The following VEPH1 variants were observed in gnomAD, a reference collection of about 807,000 sequenced individuals.
VEPH1 encodes ventricular zone expressed PH domain containing 1.
VEPH1 carries 80 observed loss-of-function variants against 85.2 expected under a neutral mutation model. The ratio of observed to expected loss-of-function variants is 0.94; its 90% CI spans 0.78 to 1.13. VEPH1 has a LOEUF of 1.13. VEPH1 is among the 50% of genes most tolerant of loss of function. The pLI is 0.00. For missense variants in VEPH1, 955 were observed against 980.5 expected (o/e 0.97, Z 0.35); for synonymous variants, 297 against 348.0 (o/e 0.85, Z 1.63).
chr3:157,382,909 G>A (rs1728924474), intron 6 of VEPH1, among the ~76,000 whole-genome samples: 1 of 152,088 alleles, frequency 6.6e-6, no homozygotes, highest in Admixed American at 6.5e-5. Context: ...ATGGCTCACT[G>A]CAGCCTTGAC....
In VEPH1 at chr3:157,438,035, G is replaced by GCACA. The variant is rs1294089889; in HGVS notation, c.530-9548_530-9547insTGTG. ...TTTCATGGGAAGCGCGCGCGCGCGC[G>GCACA]CGCACACACACACACACACACACAC... On this transcript the variant is annotated intron_variant, in intron 4 of 13. Transcript: ENST00000362010. The GCACA allele has an allele frequency of 4.6e-4, 320 of 700,972 alleles. No homozygotes were observed. The East Asian group carries it at 4.8e-3, about 11-fold the overall frequency. 43.4% of individuals were successfully genotyped at this position (700,972 alleles called of 1,614,324 possible). A position where few individuals can be genotyped will look rare whatever the true frequency, so the allele number is the denominator to read the frequency against.
intron 4 of VEPH1, chr3:157,437,644 C>T (rs1032434009): frequency 6.5e-6 from 10 of 1,549,314 alleles, no homozygotes; most frequent in Non-Finnish European, 8.7e-6. Context: ...GCTGCAGAGG[C>T]TGCGGGAGGA....
At chr3:157,300,865 T>C (rs1371902576) in intron 11 of VEPH1, among the ~76,000 whole-genome samples, 1 of 152,158 alleles carries the variant, frequency 6.6e-6, no homozygotes, top group Non-Finnish European at 1.5e-5. Flanking sequence ...GTAGAAATAG[T>C]ATTTAGGGAG....
intron 4 of VEPH1, among the ~76,000 whole-genome samples, chr3:157,449,303 G>A (rs1734780219): frequency 6.6e-6 from 1 of 152,142 alleles, no homozygotes; most frequent in Non-Finnish European, 1.5e-5. Flanking sequence ...TTTGCTGAGA[G>A]ATTTTTAAAA....
At chr3:157,289,844 T>A (rs1717254835) in intron 11 of VEPH1, among the ~76,000 whole-genome samples, 1 of 152,192 alleles carries the variant, frequency 6.6e-6, no homozygotes, top group South Asian at 2.1e-4. Flanking sequence ...TAAGTCACTG[T>A]CTGAGTATTT....
At chr3:157,479,790 T>C (rs1313435539) in intron 2 of VEPH1, among the ~76,000 whole-genome samples, 1 of 152,176 alleles carries the variant, frequency 6.6e-6, no homozygotes, top group Non-Finnish European at 1.5e-5. Flanking sequence ...ATATTGTTAC[T>C]ATCTGGCTCC....
At chr3:157,478,250 C>T (rs1737678876) in intron 2 of VEPH1, among the ~76,000 whole-genome samples, 3 of 152,126 alleles carry the variant, frequency 2.0e-5, no homozygotes, top group Admixed American at 1.3e-4. Flanking sequence ...CCAGAGGTCC[C>T]TGTGAGAGAT....
intron 2 of VEPH1, among the ~76,000 whole-genome samples, chr3:157,487,475 T>A (rs1358230814): frequency 6.6e-6 from 1 of 152,164 alleles, no homozygotes; most frequent in African/African-American, 2.4e-5. Context: ...CAGAGAGTTT[T>A]ATACTGTTCT....
chr3:157,420,263 C>T (rs1732229373), intron 5 of VEPH1, among the ~76,000 whole-genome samples: 1 of 151,922 alleles, frequency 6.6e-6, no homozygotes, highest in Non-Finnish European at 1.5e-5. Context: ...ATCTGTGTAG[C>T]AAACCACGAT....
intron 9 of VEPH1, among the ~76,000 whole-genome samples, chr3:157,361,496 T>G (rs1726044740): frequency 6.6e-6 from 1 of 152,214 alleles, no homozygotes; most frequent in South Asian, 2.1e-4. Flanking sequence ...GAATATGAAT[T>G]GGATTTGCTA....
chr3:157,347,602 A>G (rs1465124540), intron 9 of VEPH1, among the ~76,000 whole-genome samples: 1 of 152,222 alleles, frequency 6.6e-6, no homozygotes, highest in African/African-American at 2.4e-5. Flanking sequence ...GCGGGGGAGT[A>G]GAGATGCACA....
intron 4 of VEPH1, among the ~76,000 whole-genome samples, chr3:157,440,576 A>G (rs1389025800): frequency 6.6e-6 from 1 of 152,182 alleles, no homozygotes; most frequent in African/African-American, 2.4e-5. Flanking sequence ...AAAAATACCT[A>G]CATACACATA....
chr3:157,393,479 T>C (rs1730075070), intron 6 of VEPH1, among the ~76,000 whole-genome samples: 1 of 152,208 alleles, frequency 6.6e-6, no homozygotes, highest in African/African-American at 2.4e-5. Flanking sequence ...TAGTATGATC[T>C]GATGATGCCA....
chr3:157,489,014 T>C, intron 2 of VEPH1: 1 of 402,694 alleles, frequency 2.5e-6, no homozygotes, highest in South Asian at 1.8e-5. Flanking sequence ...ATCCTGTTGG[T>C]CCTATCTTCA....
chr3:157,427,063 C>G (rs1419683851), intron 5 of VEPH1, among the ~76,000 whole-genome samples: 5 of 152,012 alleles, frequency 3.3e-5, no homozygotes, highest in African/African-American at 4.8e-5. Context: ...TCTTGGCTCA[C>G]TGCAACCTTC....
At chr3:157,416,880 CAGAA>C (rs774066977) in intron 5 of VEPH1, among the ~76,000 whole-genome samples, 204 of 135,544 alleles carry the variant, frequency 1.5e-3, no homozygotes, top group African/African-American at 5.2e-3. Context: ...GACAGACAGA[CAGAA>C]AGAAAGAAAG....
intron 12 of VEPH1, among the ~76,000 whole-genome samples, chr3:157,274,958 A>T (rs1050911348): frequency 5.9e-5 from 9 of 152,168 alleles, no homozygotes; most frequent in Non-Finnish European, 1.0e-4. Context: ...ATTTCCTGTT[A>T]TCTGTGGTTG....
intron 3 of VEPH1, among the ~76,000 whole-genome samples, chr3:157,461,241 A>G (rs1409499106): frequency 6.6e-6 from 1 of 152,268 alleles, no homozygotes; most frequent in African/African-American, 2.4e-5. Flanking sequence ...TTTAGAAAAT[A>G]CAAATTGCTT....
chr3:157,423,252 A>G (rs7639254), intron 5 of VEPH1, among the ~76,000 whole-genome samples: 104,012 of 152,158 alleles, frequency 0.68, 36,074 homozygotes, highest in East Asian at 0.79. Flanking sequence ...CAAAAATAAC[A>G]ACATATTGCT....
Sources: gnomAD v4.1 joint callset for allele counts (sites outside exome capture counted in the v4.1 genomes callset) on GRCh38, gnomAD v4.1.1 for gene constraint, MANE v1.5 for transcripts, NCBI Gene and HGNC (gene_info 2026-07-23, HGNC 2026-07-21) for gene names.